GRIN3A: variants seen among roughly 807,000 people sequenced by gnomAD.
GRIN3A encodes the protein glutamate receptor ionotropic, NMDA 3A.
Under a neutral mutation model 92.4 loss-of-function variants are expected in GRIN3A, and 47 were observed. The ratio of observed to expected loss-of-function variants is 0.51; its 90% CI spans 0.40 to 0.65. The LOEUF (loss-of-function observed/expected upper bound fraction) is 0.65. Ranked by LOEUF, GRIN3A falls within the 30% of genes least tolerant of loss-of-function variation. The pLI, the probability that GRIN3A is intolerant of heterozygous loss-of-function variation, is 0.00. For synonymous variants in GRIN3A, 527 were observed against 540.6 expected, an observed-to-expected ratio of 0.97 and a Z score of 0.35; for missense variants, 1,324 against 1,393.1, an observed-to-expected ratio of 0.95 and a Z score of 0.79.
chr9:101,666,618 G>A (rs1031816728), intron 3 of GRIN3A, among the ~76,000 whole-genome samples: 2 of 151,976 alleles, frequency 1.3e-5, no homozygotes, highest in African/African-American at 2.4e-5. Flanking sequence ...TAACAAACCT[G>A]CACATGTACC....
intron 2 of GRIN3A, among the ~76,000 whole-genome samples, chr9:101,676,300 T>C (rs1027698569): frequency 6.6e-6 from 1 of 151,912 alleles, no homozygotes; most frequent in African/African-American, 2.4e-5. Flanking sequence ...AATTGCCCTA[T>C]TACCTTTTCT....
At chr9:101,610,315 C>T (rs1298002405) in intron 6 of GRIN3A, among the ~76,000 whole-genome samples, 4 of 152,222 alleles carry the variant, frequency 2.6e-5, no homozygotes, top group Admixed American at 6.5e-5. Context: ...CCATTTTCCT[C>T]TATGCTTCCT....
rs7864032 is a variant in GRIN3A, at chr9:101,650,995, G to C, written c.2352+19065C>G. Reference sequence around the variant, plus strand: ...TATCTATTTTTTATTTCGTGAGTCAGGATGTAGTATAAATATTTGTTTATT... The same window carrying C: ...TATCTATTTTTTATTTCGTGAGTCACGATGTAGTATAAATATTTGTTTATT... On this transcript the variant is annotated intron_variant, in intron 3 of 8. Coordinates refer to ENST00000361820, the MANE Select transcript of GRIN3A (RefSeq NM_133445.3). Among the ~76,000 whole-genome samples the C allele has an allele frequency of 7.5e-3, 1,141 of 151,914 alleles. 9 individuals are homozygous for C. The highest frequency in any genetic ancestry group is 0.025 in the African/African-American group (1,047 of 41,434).
intron 1 of GRIN3A, among the ~76,000 whole-genome samples, chr9:101,692,185 ACTT>A (rs1829628702): frequency 6.6e-6 from 1 of 152,122 alleles, no homozygotes; most frequent in South Asian, 2.1e-4. Flanking sequence ...AATTACACCA[ACTT>A]CTCAGCAGGA....
intron 2 of GRIN3A, among the ~76,000 whole-genome samples, chr9:101,671,942 T>C (rs1046541127): frequency 2.6e-5 from 4 of 152,164 alleles, no homozygotes; most frequent in African/African-American, 9.7e-5. Flanking sequence ...TGTTCTGATA[T>C]GGACTAGACA....
At chr9:101,676,849 A>G (rs537557985) in intron 2 of GRIN3A, among the ~76,000 whole-genome samples, 2 of 146,582 alleles carry the variant, frequency 1.4e-5, no homozygotes, top group South Asian at 4.3e-4. Flanking sequence ...ATATTCTTAA[A>G]CCTTCCCCTT....
At chr9:101,717,370 A>G (rs1829960800) in intron 1 of GRIN3A, among the ~76,000 whole-genome samples, 1 of 152,142 alleles carries the variant, frequency 6.6e-6, no homozygotes, top group African/African-American at 2.4e-5. Context: ...TTTTAAATAG[A>G]TTTCTGTGCT....
At chr9:101,694,447 T>C (rs1188817032) in intron 1 of GRIN3A, among the ~76,000 whole-genome samples, 1 of 152,174 alleles carries the variant, frequency 6.6e-6, no homozygotes, top group African/African-American at 2.4e-5. Context: ...TCACTCAAGC[T>C]ACCTGCACCA....
At chr9:101,627,776 TTCTA>T (rs1828653864) in intron 4 of GRIN3A, among the ~76,000 whole-genome samples, 1 of 152,212 alleles carries the variant, frequency 6.6e-6, no homozygotes, top group Non-Finnish European at 1.5e-5. Context: ...AATCATTGTC[TTCTA>T]TCTTATTTCC....
intron 1 of GRIN3A, among the ~76,000 whole-genome samples, chr9:101,692,609 A>G (rs1829633791): frequency 6.6e-6 from 1 of 152,140 alleles, no homozygotes; most frequent in Non-Finnish European, 1.5e-5. Context: ...AAGTGAACAT[A>G]ATGTTTCCAC....
At chr9:101,621,371 C>T (rs998956479) in intron 5 of GRIN3A, among the ~76,000 whole-genome samples, 10 of 151,520 alleles carry the variant, frequency 6.6e-5, no homozygotes, top group African/African-American at 1.5e-4. Context: ...CACATTGTTT[C>T]GTGTAATTTA....
chr9:101,649,510 G>T (rs774385251), intron 3 of GRIN3A, among the ~76,000 whole-genome samples: 1 of 151,936 alleles, frequency 6.6e-6, no homozygotes, highest in Non-Finnish European at 1.5e-5. Flanking sequence ...ATGAATCTAC[G>T]CCTCCAATTC....
intron 2 of GRIN3A, among the ~76,000 whole-genome samples, chr9:101,683,485 G>A (rs1013283540): frequency 2.2e-4 from 33 of 152,272 alleles, no homozygotes; most frequent in African/African-American, 7.9e-4. Context: ...TAAGGATGAT[G>A]GAAAATCCAC....
At chr9:101,657,414 C>T (rs549080231) in intron 3 of GRIN3A, among the ~76,000 whole-genome samples, 5 of 151,960 alleles carry the variant, frequency 3.3e-5, no homozygotes, top group African/African-American at 9.7e-5. Flanking sequence ...TTTAACCCAG[C>T]TACTCTTGGT....
chr9:101,679,755 C>T (rs1047292388), intron 2 of GRIN3A, among the ~76,000 whole-genome samples: 3 of 152,138 alleles, frequency 2.0e-5, no homozygotes, highest in East Asian at 3.9e-4. Context: ...GTGTTCTTCT[C>T]GGGACTCCAG....
chr9:101,737,428 C>T lies in GRIN3A; in HGVS notation c.552G>A (p.Val184=). 1 of 1,614,256 alleles carries T rather than the reference C, an allele frequency of 6.2e-7. No individual in the cohort carries two copies. Among genetic ancestry groups the T allele is most frequent in the Non-Finnish European group, 8.5e-7 (1 of 1,180,040 alleles). ...SSDPFSFLQS[V]CHTVVVQGVS... is the part of the protein sequence containing the mutation. ...CCCCTTGCACCACCACGGTATGGCA[C>T]ACACTTTGCAGGAAGGAGAAAGGGT... is the stretch of plus-strand genomic sequence containing the variant. Residue 184 remains valine (V), a synonymous_variant, in exon 1 of 9, where the codon GTG becomes GTA. Transcript: ENST00000361820.
intron 6 of GRIN3A, among the ~76,000 whole-genome samples, chr9:101,590,346 CTATTTATTT>C (rs1220474788): frequency 1.0e-4 from 15 of 143,330 alleles, no homozygotes; most frequent in Non-Finnish European, 1.7e-4. Context: ...TAATGACACT[CTATTTATTT>C]ATTTATTTAT....
intron 1 of GRIN3A, among the ~76,000 whole-genome samples, chr9:101,703,380 C>T (rs1454954704): frequency 6.6e-6 from 1 of 152,168 alleles, no homozygotes; most frequent in Non-Finnish European, 1.5e-5. Context: ...ATTCTTTCTT[C>T]ACATTCAGGT....
At chr9:101,590,346 C>CTATT (rs35611429) in intron 6 of GRIN3A, among the ~76,000 whole-genome samples, 3,899 of 143,342 alleles carry the variant, frequency 0.027, 71 homozygotes, top group East Asian at 0.04. Flanking sequence ...TAATGACACT[C>CTATT]TATTTATTTA....
Sources: gnomAD v4.1 joint callset for allele counts (sites outside exome capture counted in the v4.1 genomes callset) on GRCh38, gnomAD v4.1.1 for gene constraint, MANE v1.5 for transcripts, NCBI Gene and HGNC (gene_info 2026-07-23, HGNC 2026-07-21) for gene names.